Variants in ADGRB3 observed in about 807,000 individuals in gnomAD.
ADGRB3 encodes the protein brain-specific angiogenesis inhibitor 3.
Under a neutral mutation model 193.4 loss-of-function variants are expected in ADGRB3, and 37 were observed. The observed-to-expected ratio is 0.19, with a 90% CI of 0.15 to 0.25. The LOEUF (loss-of-function observed/expected upper bound fraction) is 0.25. ADGRB3 is among the 10% of genes least tolerant of loss of function. ADGRB3 has a pLI of 1.00. For missense variants in ADGRB3, 1,637 were observed against 1,852.9 expected (o/e 0.88, Z 2.14); for synonymous variants, 690 against 644.2 (o/e 1.07, Z -1.08).
intron 16 of ADGRB3, among the ~76,000 whole-genome samples, chr6:69,069,731 T>TAAAAAAAAAAAA (rs754345752): frequency 9.2e-6 from 1 of 108,238 alleles, no homozygotes. Context: ...ACTCTCTCAT[T>TAAAAAAAAAAAA]AAAAAAAAAA....
intron 3 of ADGRB3, among the ~76,000 whole-genome samples, chr6:68,824,677 C>T (rs180975812): frequency 8.4e-4 from 125 of 148,418 alleles, no homozygotes; most frequent in African/African-American, 2.9e-3. Flanking sequence ...ATCATGCAAC[C>T]ACCACCACAG....
chr6:69,100,794 G>C (rs1428235631), intron 17 of ADGRB3, among the ~76,000 whole-genome samples: 1 of 101,728 alleles, frequency 9.8e-6, no homozygotes, highest in Non-Finnish European at 2.1e-5. Flanking sequence ...TTAATAGACG[G>C]AAGGAAAAAA....
intron 3 of ADGRB3, among the ~76,000 whole-genome samples, chr6:68,837,885 A>C (rs1212888800): frequency 3.9e-5 from 6 of 152,192 alleles, no homozygotes; most frequent in Admixed American, 1.3e-4. Context: ...ATATATTTAT[A>C]GTAGGAACTA....
intron 3 of ADGRB3, among the ~76,000 whole-genome samples, chr6:68,679,210 C>T (rs1246332109): frequency 6.6e-6 from 1 of 152,084 alleles, no homozygotes; most frequent in East Asian, 1.9e-4. Context: ...GTAATGTTTG[C>T]TGCTGTAATA....
chr6:69,258,332 G>T (rs1429620711), intron 20 of ADGRB3, among the ~76,000 whole-genome samples: 3 of 152,118 alleles, frequency 2.0e-5, no homozygotes, highest in African/African-American at 7.2e-5. Flanking sequence ...AACTTGGAAA[G>T]GACACAAATA....
chr6:68,787,667 A>G (rs1245498831), intron 3 of ADGRB3, among the ~76,000 whole-genome samples: 1 of 152,190 alleles, frequency 6.6e-6, no homozygotes, highest in Non-Finnish European at 1.5e-5. Context: ...TGCTGGCCTC[A>G]TAAAATGAGT....
Position 68,826,502 on chromosome 6 carries a change from G to A in ADGRB3, c.758-104057G>A, listed in dbSNP as rs2127382191. ...ACAAGGGTGTACTATGTAGGCACTG[G>A]AAGAAATTTGGCTTTTACTCCAAGT... On this transcript the variant is annotated intron_variant, in intron 3 of 31. Coordinates refer to ENST00000370598, the MANE Select transcript of ADGRB3 (RefSeq NM_001704.3). Among the ~76,000 whole-genome samples, 3 of 152,320 alleles carry A rather than the reference G, an allele frequency of 2.0e-5. No individual in the cohort carries two copies. The Middle Eastern group carries it at 0.01, about 518-fold the overall frequency.
At chr6:68,879,824 C>T (rs1285780939) in intron 3 of ADGRB3, among the ~76,000 whole-genome samples, 2 of 152,138 alleles carry the variant, frequency 1.3e-5, no homozygotes, top group African/African-American at 4.8e-5. Flanking sequence ...CATGCCTTGA[C>T]AGACATTTTA....
At chr6:68,692,181 A>G (rs1158030907) in intron 3 of ADGRB3, among the ~76,000 whole-genome samples, 3 of 151,932 alleles carry the variant, frequency 2.0e-5, no homozygotes, top group African/African-American at 7.2e-5. Context: ...AAAATTTAGG[A>G]TAAACATTTT....
intron 3 of ADGRB3, among the ~76,000 whole-genome samples, chr6:68,786,861 G>A (rs978227886): frequency 2.0e-5 from 3 of 151,798 alleles, no homozygotes; most frequent in South Asian, 2.1e-4. Context: ...CCTTGAAGAG[G>A]TTCTTCACAT....
At chr6:69,250,357 A>G (rs572710823) in intron 20 of ADGRB3, among the ~76,000 whole-genome samples, 2 of 152,172 alleles carry the variant, frequency 1.3e-5, no homozygotes, top group South Asian at 4.2e-4. Flanking sequence ...AAGACCACCT[A>G]TTTCTTTGTT....
Position 68,653,265 on chromosome 6 carries a change from T to G in ADGRB3, c.757+13833T>G, listed in dbSNP as rs146327993. 2.6e-5 allele frequency among the ~76,000 whole-genome samples: 4 copies of G among 152,244 alleles called. No homozygotes were observed. The East Asian group carries it at 5.8e-4, about 22-fold the overall frequency. On this transcript the variant is annotated intron_variant, in intron 3 of 31. Coordinates refer to ENST00000370598, the MANE Select transcript of ADGRB3 (RefSeq NM_001704.3). The stretch of plus-strand genomic sequence containing the variant: ...TGAGGCATGAGCAAGGAATAAAACT[T>G]CCTTTTTTGAGACGCTGAGAAGTTA...
intron 24 of ADGRB3, among the ~76,000 whole-genome samples, chr6:69,336,773 T>A (rs1298006552): frequency 6.6e-6 from 1 of 152,062 alleles, no homozygotes; most frequent in African/African-American, 2.4e-5. Context: ...AGAAACAAGA[T>A]CTCATTTTTC....
intron 3 of ADGRB3, among the ~76,000 whole-genome samples, chr6:68,866,408 C>T (rs922182132): frequency 1.3e-5 from 2 of 152,198 alleles, no homozygotes; most frequent in Admixed American, 1.3e-4. Context: ...TGAGGCCTCT[C>T]CAGCCATGCA....
chr6:69,238,110 A>G (rs1766308838), intron 19 of ADGRB3, among the ~76,000 whole-genome samples: 1 of 152,106 alleles, frequency 6.6e-6, no homozygotes, highest in Non-Finnish European at 1.5e-5. Context: ...AGAGAGACAG[A>G]CAGACAGAGA....
intron 17 of ADGRB3, among the ~76,000 whole-genome samples, chr6:69,158,858 T>C (rs1326856236): frequency 6.6e-6 from 1 of 152,128 alleles, no homozygotes; most frequent in Non-Finnish European, 1.5e-5. Context: ...CAGACTATAA[T>C]ATCATTTGAT....
intron 17 of ADGRB3, among the ~76,000 whole-genome samples, chr6:69,225,181 A>G (rs1430409310): frequency 6.6e-6 from 1 of 152,042 alleles, no homozygotes; most frequent in Non-Finnish European, 1.5e-5. Flanking sequence ...ATATCACAAG[A>G]TTTCTTTTTT....
intron 8 of ADGRB3, among the ~76,000 whole-genome samples, chr6:68,965,271 A>C (rs1768345490): frequency 6.6e-6 from 1 of 152,156 alleles, no homozygotes; most frequent in Non-Finnish European, 1.5e-5. Context: ...AGCAGCATGA[A>C]TTCTTCACAT....
chr6:69,273,372 A>G (rs1048271210), intron 20 of ADGRB3, among the ~76,000 whole-genome samples: 3 of 152,210 alleles, frequency 2.0e-5, no homozygotes, highest in African/African-American at 7.2e-5. Context: ...TAGTGATTTT[A>G]TTGGCCACAC....
Sources: gnomAD v4.1 joint callset for allele counts (sites outside exome capture counted in the v4.1 genomes callset) on GRCh38, gnomAD v4.1.1 for gene constraint, MANE v1.5 for transcripts, NCBI Gene and HGNC (gene_info 2026-07-23, HGNC 2026-07-21) for gene names.